Variants in ASTN1 observed in about 807,000 individuals in gnomAD.
ASTN1 encodes astrotactin 1.
A neutral mutation model predicts 140.7 loss-of-function variants in ASTN1; 41 were observed. That is an observed-to-expected ratio of 0.29 (90% CI 0.23 to 0.38). ASTN1 has a LOEUF of 0.38. ASTN1 is among the 10% of genes least tolerant of loss of function. The pLI is 1.00. For missense variants in ASTN1, 1,479 were observed against 1,678.8 expected (o/e 0.88, Z 2.08); for synonymous variants, 640 against 652.2 (o/e 0.98, Z 0.29).
chr1:176,911,923 A>G (rs936082340), intron 16 of ASTN1, among the ~76,000 whole-genome samples: 1 of 152,224 alleles, frequency 6.6e-6, no homozygotes, highest in Non-Finnish European at 1.5e-5. Context: ...CAGACATGAG[A>G]GTGACGCATG....
intron 1 of ASTN1, among the ~76,000 whole-genome samples, chr1:177,115,984 A>T (rs1681068312): frequency 6.6e-6 from 1 of 152,216 alleles, no homozygotes; most frequent in Non-Finnish European, 1.5e-5. Flanking sequence ...ATATCTTTAC[A>T]TGATGAATCT....
chr1:176,959,730 G>A (rs973610207), intron 9 of ASTN1, among the ~76,000 whole-genome samples: 3 of 152,182 alleles, frequency 2.0e-5, no homozygotes, highest in African/African-American at 7.2e-5. Context: ...TGGTAGGAGG[G>A]AAGTGGCCAG....
At chr1:177,036,631 C>A (rs1676732545) in intron 2 of ASTN1, among the ~76,000 whole-genome samples, 1 of 151,976 alleles carries the variant, frequency 6.6e-6, no homozygotes, top group South Asian at 2.1e-4. Flanking sequence ...ACATAAATTT[C>A]TCTGAAATGC....
At position 176,862,016 on chromosome 1, in the gene ASTN1, T is replaced by TA; in HGVS notation, c.*2267dup. ...GCCTCACCCTCCTTTCACTCAAGCT[T>TA]AAAACACCGTGTTCTGCACAGATAT... On this transcript the variant is annotated 3_prime_UTR_variant, in exon 23 of 23. Coordinates refer to ENST00000361833, the MANE Select transcript of ASTN1 (RefSeq NM_004319.3). The TA allele has an allele frequency of 2.0e-6, 2 of 985,356 alleles. No homozygotes were observed. Among genetic ancestry groups the TA allele is most frequent in the Non-Finnish European group, 2.4e-6 (2 of 829,962 alleles). The allele number at this position is 985,356 out of a possible 1,614,324, so 61.0% of individuals were successfully genotyped here.
At chr1:176,963,473 T>C (rs150722299) in intron 9 of ASTN1, among the ~76,000 whole-genome samples, 5 of 152,318 alleles carry the variant, frequency 3.3e-5, no homozygotes, top group African/African-American at 1.2e-4. Flanking sequence ...TAAAAATTCT[T>C]AATCACTTAT....
At position 176,877,598 on chromosome 1, in the gene ASTN1, G is replaced by C. The variant is rs576954666; in HGVS notation, c.3363-961C>G. Among the ~76,000 whole-genome samples, 7 of 152,360 alleles carry C rather than the reference G, an allele frequency of 4.6e-5. No individual in the cohort carries two copies. In the East Asian group the frequency reaches 1.4e-3, roughly 29 times the overall value. ...GGTGATGGAGCTAGATGGAGAGGAA[G>C]AAGAGGAATTCTAGGTTCTGCCACT... On this transcript the variant is annotated intron_variant, in intron 20 of 22. Coordinates refer to ENST00000361833, the MANE Select transcript of ASTN1 (RefSeq NM_004319.3).
At chr1:176,893,394 G>A (rs888027124) in intron 17 of ASTN1, among the ~76,000 whole-genome samples, 4 of 152,110 alleles carry the variant, frequency 2.6e-5, no homozygotes, top group African/African-American at 7.2e-5. Flanking sequence ...CCATCCTTCC[G>A]AAGGTCTCTT....
intron 16 of ASTN1, among the ~76,000 whole-genome samples, chr1:176,930,683 G>C (rs1478508650): frequency 1.3e-5 from 2 of 152,146 alleles, no homozygotes; most frequent in Non-Finnish European, 2.9e-5. Flanking sequence ...TGACATCAGG[G>C]AATCTCTAAT....
chr1:177,106,250 T>G (rs1449113525), intron 1 of ASTN1, among the ~76,000 whole-genome samples: 2 of 152,208 alleles, frequency 1.3e-5, no homozygotes, highest in Non-Finnish European at 2.9e-5. Flanking sequence ...AGCTACTTTC[T>G]TAAATGTTGT....
chr1:177,136,354 CTTTTT>C (rs761381263), intron 1 of ASTN1, among the ~76,000 whole-genome samples: 1 of 131,122 alleles, frequency 7.6e-6, no homozygotes, highest in Non-Finnish European at 1.6e-5. Flanking sequence ...ATTTTTCTTC[CTTTTT>C]TTTTTTTTTT....
intron 21 of ASTN1, among the ~76,000 whole-genome samples, chr1:176,874,167 C>T (rs1442207636): frequency 6.6e-6 from 1 of 152,202 alleles, no homozygotes; most frequent in Admixed American, 6.5e-5. Context: ...ACCTGCCTCT[C>T]TCTGGCTTAG....
intron 1 of ASTN1, among the ~76,000 whole-genome samples, chr1:177,130,723 C>T (rs900387839): frequency 5.3e-5 from 8 of 152,124 alleles, no homozygotes; most frequent in Non-Finnish European, 1.0e-4. Flanking sequence ...CCATCGCACA[C>T]TGTCAAGGGT....
rs775788583 is a variant in ASTN1, at chr1:176,934,326, G to C, written c.2497C>G (p.Leu833Val). 3.1e-5 allele frequency: 50 copies of C among 1,612,076 alleles called. No homozygotes were observed. Among genetic ancestry groups the C allele is most frequent in the Non-Finnish European group, 4.2e-5 (50 of 1,178,406 alleles). The change falls in exon 16 of 23, where the codon CTC becomes GTC. Residue 833 changes from leucine (L) to valine (V), a missense_variant. Physicochemically the swap from Leu to Val is conservative, Grantham distance 32 (BLOSUM62 1). Around this residue, in one of 3 missense-constraint regions of ASTN1, gnomAD observed 746 missense variants for 800.9 expected, o/e 0.93. Transcript: ENST00000361833. Reference protein sequence around the residue: ...VAISQALSNALHSLDGATSRA... With the variant: ...VAISQALSNAVHSLDGATSRA... ...GATGTAGCCCCATCCAGCGAGTGGAGAGCATTGCTGAGGGCTATGGAGAGG... is the reference window on the plus strand; with the variant it reads ...GATGTAGCCCCATCCAGCGAGTGGACAGCATTGCTGAGGGCTATGGAGAGG...
At chr1:177,041,826 G>A (rs1676989016) in intron 2 of ASTN1, among the ~76,000 whole-genome samples, 1 of 152,168 alleles carries the variant, frequency 6.6e-6, no homozygotes, top group Non-Finnish European at 1.5e-5. Context: ...TCAAAGTCAG[G>A]CAGCCCAGCT....
chr1:177,001,166 T>C (rs1674711177), intron 8 of ASTN1, among the ~76,000 whole-genome samples: 1 of 152,212 alleles, frequency 6.6e-6, no homozygotes, highest in South Asian at 2.1e-4. Flanking sequence ...ATTTCTTATT[T>C]AGCAAGTACT....
intron 16 of ASTN1, among the ~76,000 whole-genome samples, chr1:176,921,161 T>C (rs1285153722): frequency 1.3e-5 from 2 of 152,162 alleles, no homozygotes; most frequent in Non-Finnish European, 2.9e-5. Flanking sequence ...AAAAAATGAG[T>C]TACTTACCTG....
chr1:177,148,701 G>C (rs1309088269), intron 1 of ASTN1, among the ~76,000 whole-genome samples: 1 of 150,290 alleles, frequency 6.7e-6, no homozygotes, highest in Admixed American at 6.7e-5. Context: ...AAGAGATGGT[G>C]CATTACCCAA....
chr1:176,893,696 C>T (rs1669365893), intron 17 of ASTN1, among the ~76,000 whole-genome samples: 1 of 152,228 alleles, frequency 6.6e-6, no homozygotes, highest in Non-Finnish European at 1.5e-5. Context: ...CAGCTCACTG[C>T]TGCGACTCCT....
At position 176,864,435 on chromosome 1, in the gene ASTN1, C is replaced by T. The variant is rs148482637; in HGVS notation, c.3734G>A (p.Arg1245His). The T allele has an allele frequency of 2.3e-4, 367 of 1,614,116 alleles. No individual in the cohort carries two copies. In the African/African-American group the frequency reaches 2.9e-3, roughly 13 times the overall value. ...LLQEPKISLR[R>H]SSLKYLGCRY... ...GCACCCCAGGTACTTGAGTGAGCTG[C>T]GCCGCAAGCTTATCTTGGGTTCCTG... Residue 1245 changes from arginine to histidine, a missense_variant, in exon 23 of 23, where the codon CGC (arginine) becomes CAC (histidine). Transcript: ENST00000361833.
Sources: allele counts gnomAD v4.1 joint callset (sites outside exome capture counted in the v4.1 genomes callset), GRCh38; gene constraint gnomAD v4.1.1; regional missense constraint gnomAD v4.1.1; transcripts MANE v1.5; gene names NCBI Gene and HGNC (gene_info 2026-07-23, HGNC 2026-07-21).